Variants in ANKMY1 observed in about 807,000 individuals in gnomAD.
ANKMY1 encodes the protein ankyrin repeat and MYND domain-containing protein 1.
ANKMY1 carries 98 observed loss-of-function variants against 102.0 expected under a neutral mutation model. The ratio of observed to expected loss-of-function variants is 0.96; its 90% CI spans 0.82 to 1.14. ANKMY1 has a LOEUF of 1.14. Ranked by LOEUF, ANKMY1 falls within the 50% of genes most tolerant of loss-of-function variation. ANKMY1 has a pLI of 0.00. For missense variants in ANKMY1, 1,330 were observed against 1,347.6 expected, an observed-to-expected ratio of 0.99 and a Z score of 0.20; for synonymous variants, 582 against 559.9, an observed-to-expected ratio of 1.04 and a Z score of -0.56.
At chr2:240,542,658 A>C (rs1308920025) in intron 4 of ANKMY1, among the ~76,000 whole-genome samples, 1 of 151,720 alleles carries the variant, frequency 6.6e-6, no homozygotes, top group African/African-American at 2.4e-5. Flanking sequence ...CGGAGTTCCA[A>C]GGTAAGAGCT....
At chr2:240,500,160 G>A (rs2077934960) in intron 14 of ANKMY1, 37 bp from the exon 15 acceptor site, 3 of 1,535,374 alleles carry the variant, frequency 2.0e-6, no homozygotes, top group Admixed American at 3.9e-5. Flanking sequence ...AGGGTCCCGG[G>A]CCCGCCCCTC....
At position 240,506,626 on chromosome 2, in the gene ANKMY1, C is replaced by A. The variant is rs1483482834; in HGVS notation, c.2526+934G>T. On this transcript the variant is annotated intron_variant, in intron 13 of 17. Coordinates refer to ENST00000401804, the MANE Select transcript of ANKMY1 (RefSeq NM_001282771.3). The surrounding 1 kb of genome is among the most constrained non-coding windows in gnomAD (Gnocchi z 4.9). The stretch of plus-strand genomic sequence containing the variant: ...CCCCTTCCAAATGCCTGGGTCTCGC[C>A]CCCCATTCCAGACGCCTGAGTCTCA... Among the ~76,000 whole-genome samples, 1 of 151,784 alleles carries A rather than the reference C, an allele frequency of 6.6e-6. No individual in the cohort carries two copies. The highest frequency in any genetic ancestry group is 1.5e-5 in the Non-Finnish European group (1 of 67,980).
chr2:240,520,122 T>A lies in ANKMY1; in HGVS notation c.2004+240A>T. On this transcript the variant is annotated intron_variant, in intron 9 of 17. Coordinates refer to ENST00000401804, the MANE Select transcript of ANKMY1 (RefSeq NM_001282771.3). The surrounding 1 kb of genome is among the most constrained non-coding windows in gnomAD (Gnocchi z 4.8). Reference sequence around the variant, plus strand: ...GTTTGCTTCAACACTGGGAAAAAAATCACACGGATCGTGAAGTACTCTAAA... The same window carrying A: ...GTTTGCTTCAACACTGGGAAAAAAAACACACGGATCGTGAAGTACTCTAAA... 1.4e-6 allele frequency: 1 copy of A among 732,638 alleles called. No individual in the cohort carries two copies. The highest frequency in any genetic ancestry group is 2.5e-6 in the Non-Finnish European group (1 of 406,354). 45.4% of individuals were successfully genotyped at this position (732,638 alleles called of 1,614,324 possible). A position where few individuals can be genotyped will look rare whatever the true frequency, so the allele number is the denominator to read the frequency against.
upstream of ANKMY1, chr2:240,560,393 G>T: frequency 3.5e-6 from 1 of 286,604 alleles, no homozygotes; most frequent in East Asian, 6.0e-5. Context: ...CGCGGGGGCG[G>T]GGAGGACGGC....
chr2:240,543,367 AT>A (rs1358644362), intron 4 of ANKMY1, among the ~76,000 whole-genome samples: 5 of 151,746 alleles, frequency 3.3e-5, no homozygotes, highest in African/African-American at 1.2e-4. Context: ...AAAAAAAAAA[AT>A]TATAGATAAA....
chr2:240,513,452 C>T (rs541435349), intron 9 of ANKMY1, among the ~76,000 whole-genome samples: 7 of 152,354 alleles, frequency 4.6e-5, no homozygotes, highest in South Asian at 2.1e-4. Flanking sequence ...GCAGCCCTGC[C>T]GTCCTAAGGG....
chr2:240,526,787 G>A, intron 5 of ANKMY1: 4 of 1,238,280 alleles, frequency 3.2e-6, no homozygotes, highest in Non-Finnish European at 4.1e-6. Flanking sequence ...TGGGTAGGAT[G>A]GAGACCAACA....
chr2:240,539,017 C>A (rs1382752577), intron 4 of ANKMY1, among the ~76,000 whole-genome samples: 1 of 152,120 alleles, frequency 6.6e-6, no homozygotes. Flanking sequence ...CAAAATGGAC[C>A]GATCAGCTCT....
chr2:240,518,082 G>A (rs1331858113), intron 9 of ANKMY1, among the ~76,000 whole-genome samples: 1 of 152,174 alleles, frequency 6.6e-6, no homozygotes, highest in Non-Finnish European at 1.5e-5. Flanking sequence ...TCATGATTGA[G>A]GAATTGACGA....
the ANKMY1 span, among the ~76,000 whole-genome samples, chr2:240,470,501 C>A: frequency 2.6e-5 from 4 of 152,174 alleles, no homozygotes; most frequent in Non-Finnish European, 4.4e-5. Flanking sequence ...CAAAGCAAAA[C>A]CAGTGAGTCT....
rs1345074730 is a variant in ANKMY1 at position 240,520,796 on chromosome 2, CCA to C, written c.1833-265_1833-264del. 3.3e-5 allele frequency among the ~76,000 whole-genome samples: 5 copies of C among 150,666 alleles called. No homozygotes were observed. The highest frequency in any genetic ancestry group is 1.2e-4 in the African/African-American group (5 of 41,024). ...CACTCACAACCACACCCACAGCACA[CCA>C]CACAGTACACACAGCACACAACCCC... On this transcript the variant is annotated intron_variant, in intron 8 of 17. Transcript: ENST00000401804. The surrounding 1 kb of genome is among the most constrained non-coding windows in gnomAD (Gnocchi z 4.8).
intron 16 of ANKMY1, among the ~76,000 whole-genome samples, chr2:240,481,410 C>T (rs2075370155): frequency 1.3e-5 from 2 of 152,186 alleles, no homozygotes; most frequent in African/African-American, 2.4e-5. Flanking sequence ...GCCACACACA[C>T]GATGGTGCGG....
At chr2:240,495,172 G>A (rs773990460) in intron 15 of ANKMY1, among the ~76,000 whole-genome samples, 3 of 152,094 alleles carry the variant, frequency 2.0e-5, no homozygotes, top group Non-Finnish European at 2.9e-5. Flanking sequence ...GAAGACGCCC[G>A]TTACCAAGCG....
chr2:240,545,206 C>T (rs985945332), intron 4 of ANKMY1, among the ~76,000 whole-genome samples: 3 of 152,174 alleles, frequency 2.0e-5, no homozygotes, highest in African/African-American at 4.8e-5. Flanking sequence ...TGACCTCTGA[C>T]CCCCCGAGCA....
the ANKMY1 span, among the ~76,000 whole-genome samples, chr2:240,473,123 T>TAAAAAAAAAAAA: frequency 9.2e-6 from 1 of 108,516 alleles, no homozygotes; most frequent in Non-Finnish European, 1.7e-5. Context: ...AAACTCTGTC[T>TAAAAAAAAAAAA]AAAAAAAAAA....
chr2:240,552,716 C>G (rs982952976), intron 4 of ANKMY1, 198 bp downstream of exon 4: 6 of 792,434 alleles, frequency 7.6e-6, no homozygotes, highest in Non-Finnish European at 9.7e-6. Flanking sequence ...GCTGGTATCC[C>G]TCTGGGGAAT....
At chr2:240,509,884 C>T (rs1042270949) in intron 11 of ANKMY1, among the ~76,000 whole-genome samples, 5 of 151,948 alleles carry the variant, frequency 3.3e-5, no homozygotes, top group African/African-American at 7.3e-5. Flanking sequence ...GCCCCACCCT[C>T]GGCTGGTGGA....
At chr2:240,552,646 G>C in intron 4 of ANKMY1, 1 of 469,752 alleles carries the variant, frequency 2.1e-6, no homozygotes, top group South Asian at 2.1e-5. Flanking sequence ...CAGTGATCCA[G>C]TTTACATATT....
At chr2:240,534,606 A>T (rs1205553695) in intron 4 of ANKMY1, among the ~76,000 whole-genome samples, 1 of 152,134 alleles carries the variant, frequency 6.6e-6, no homozygotes, top group East Asian at 1.9e-4. Context: ...TGTGTCAAAG[A>T]TGATCACTTC....
Sources: allele counts gnomAD v4.1 joint callset (sites outside exome capture counted in the v4.1 genomes callset), GRCh38; gene constraint gnomAD v4.1.1; non-coding constraint Gnocchi (gnomAD v3.1); transcripts MANE v1.5; gene names NCBI Gene and HGNC (gene_info 2026-07-23, HGNC 2026-07-21).